FAM53B: variants seen among roughly 807,000 people sequenced by gnomAD.
FAM53B encodes protein FAM53B.
FAM53B carries 12 observed loss-of-function variants against 32.7 expected under a neutral mutation model. The ratio of observed to expected loss-of-function variants is 0.37; its 90% CI spans 0.24 to 0.59. FAM53B has a LOEUF of 0.59. FAM53B is among the 20% of genes least tolerant of loss of function. The probability of loss-of-function intolerance (pLI) is 0.72; values close to 1 mark genes in which losing one functional copy is unlikely to be tolerated. For missense variants in FAM53B, 477 were observed against 577.7 expected, an observed-to-expected ratio of 0.83 and a Z score of 1.79; for synonymous variants, 234 against 228.7, an observed-to-expected ratio of 1.02 and a Z score of -0.21.
chr10:124,706,395 T>C (rs1413711032), intron 2 of FAM53B, among the ~76,000 whole-genome samples: 3 of 152,160 alleles, frequency 2.0e-5, no homozygotes, highest in Non-Finnish European at 4.4e-5. Context: ...TACCAGGGGA[T>C]GGCCTCCCCT....
At chr10:124,703,203 C>T (rs903225218) in intron 2 of FAM53B, among the ~76,000 whole-genome samples, 2 of 152,174 alleles carry the variant, frequency 1.3e-5, no homozygotes, top group African/African-American at 2.4e-5. Flanking sequence ...CGCCTGCCAC[C>T]ACACTCAGCT....
intron 4 of FAM53B, among the ~76,000 whole-genome samples, chr10:124,652,768 C>A (rs530772774): frequency 6.6e-6 from 1 of 152,266 alleles, no homozygotes; most frequent in South Asian, 2.1e-4. Flanking sequence ...CCACTTCCTT[C>A]AATATGGAAG....
chr10:124,670,474 G>A (rs1260044774), intron 4 of FAM53B, among the ~76,000 whole-genome samples: 2 of 152,068 alleles, frequency 1.3e-5, no homozygotes, highest in Non-Finnish European at 1.5e-5. Flanking sequence ...AAGGCCAACC[G>A]TGATGGCCCT....
At chr10:124,685,099 C>G (rs1173007578) in intron 3 of FAM53B, among the ~76,000 whole-genome samples, 1 of 152,174 alleles carries the variant, frequency 6.6e-6, no homozygotes, top group Non-Finnish European at 1.5e-5. Flanking sequence ...CAATATAAAG[C>G]TGAGCATGAA....
chr10:124,728,356 G>C (rs1950120932), intron 1 of FAM53B, among the ~76,000 whole-genome samples: 1 of 152,202 alleles, frequency 6.6e-6, no homozygotes, highest in South Asian at 2.1e-4. Flanking sequence ...CCCATTCTAT[G>C]GAGGAAACCG....
intron 4 of FAM53B, among the ~76,000 whole-genome samples, chr10:124,672,953 A>G (rs1949715718): frequency 6.6e-6 from 1 of 152,248 alleles, no homozygotes. Flanking sequence ...TGCAGGTTAA[A>G]TAACAAGAGG....
intron 4 of FAM53B, among the ~76,000 whole-genome samples, chr10:124,638,263 G>T (rs572146569): frequency 3.3e-5 from 5 of 152,086 alleles, no homozygotes. Flanking sequence ...CCAGCTACTC[G>T]GGAGGCTGAG....
chr10:124,675,786 G>T (rs1043873959), intron 4 of FAM53B, among the ~76,000 whole-genome samples: 4 of 152,266 alleles, frequency 2.6e-5, no homozygotes, highest in African/African-American at 9.6e-5. Flanking sequence ...CTGGGGTCAA[G>T]AGGTCAGGGT....
intron 1 of FAM53B, among the ~76,000 whole-genome samples, chr10:124,730,248 A>G (rs1950132598): frequency 1.3e-5 from 2 of 152,246 alleles, no homozygotes; most frequent in Admixed American, 1.3e-4. Context: ...CAGAACAGGT[A>G]TGAATACATA....
Position 124,741,959 on chromosome 10 carries a change from T to C in FAM53B, c.-175+2054A>G, listed in dbSNP as rs1950203002. ...ACTTCTGCAGCAGTGAGGTTGCTAG[T>C]TTCTATTTAAAAACTTGTCTTTGAT... On this transcript the variant is annotated intron_variant, in intron 1 of 4. Coordinates refer to ENST00000337318, the MANE Select transcript of FAM53B (RefSeq NM_014661.4). Among the ~76,000 whole-genome samples, 3 of 152,256 alleles carry C rather than the reference T, an allele frequency of 2.0e-5. No individual in the cohort carries two copies. The South Asian group carries it at 6.2e-4, about 31-fold the overall frequency.
At chr10:124,633,972 G>T (rs754282345) in intron 4 of FAM53B, among the ~76,000 whole-genome samples, 20 of 152,240 alleles carry the variant, frequency 1.3e-4, no homozygotes, top group Non-Finnish European at 2.6e-4. Flanking sequence ...TGGTAGGAAT[G>T]TAAGATGGTA....
At chr10:124,623,730 T>G in intron 4 of FAM53B, 126 bp from the exon 5 acceptor site, 1 of 1,136,256 alleles carries the variant, frequency 8.8e-7, no homozygotes, top group Non-Finnish European at 1.2e-6. Flanking sequence ...GGGTTCCTCC[T>G]ATCCAGGCAA....
intron 1 of FAM53B, among the ~76,000 whole-genome samples, chr10:124,710,724 C>T (rs1163459084): frequency 6.6e-6 from 1 of 152,216 alleles, no homozygotes; most frequent in African/African-American, 2.4e-5. Flanking sequence ...TCAAGAATCA[C>T]TTCTATCTAC....
chr10:124,716,185 TG>T (rs1232753602), intron 1 of FAM53B, among the ~76,000 whole-genome samples: 1 of 152,166 alleles, frequency 6.6e-6, no homozygotes, highest in Non-Finnish European at 1.5e-5. Context: ...CTTCAGTAAC[TG>T]GGGCTAAAAC....
Position 124,623,575 on chromosome 10 carries a change from G to C in FAM53B, c.936C>G (p.Cys312Trp). 1.2e-6 allele frequency: 2 copies of C among 1,608,738 alleles called. No individual in the cohort carries two copies. The stretch of plus-strand genomic sequence containing the variant: ...CGCAGTCCTCTGTCCCTGCGCTCAG[G>C]CAGCTGAGGCTGCTGAAGGTCTGAC... ...QNCQTFSSLS[C>W]LSAGTEDCGP... Residue 312 changes from cysteine to tryptophan, a missense_variant, in exon 5 of 5, where the codon TGC becomes TGG. Cys to Trp is a radical substitution (Grantham distance 215, BLOSUM62 -2). Coordinates refer to ENST00000337318, the MANE Select transcript of FAM53B (RefSeq NM_014661.4).
Position 124,621,686 on chromosome 10 carries a change from T to C in FAM53B, c.*1556A>G, listed in dbSNP as rs1036732237. The C allele has an allele frequency of 2.0e-5, 3 of 152,226 alleles. No homozygotes were observed. Among genetic ancestry groups the C allele is most frequent in the African/African-American group, 7.2e-5 (3 of 41,452 alleles). 9.4% of individuals were successfully genotyped at this position (152,226 alleles called of 1,614,324 possible). ...AACAACGTTTCCCAAAAAGCATCTT[T>C]CTTGAGGAGAAAGAAGGTGAGAAGC... is the stretch of plus-strand genomic sequence containing the variant. On this transcript the variant is annotated 3_prime_UTR_variant, in exon 5 of 5. Transcript: ENST00000337318.
chr10:124,636,007 G>T (rs1949428673), intron 4 of FAM53B, among the ~76,000 whole-genome samples: 1 of 152,210 alleles, frequency 6.6e-6, no homozygotes, highest in Non-Finnish European at 1.5e-5. Flanking sequence ...CATGGGAGAT[G>T]GGAGAGATGG....
chr10:124,724,145 A>C lies in FAM53B; in HGVS notation c.-174-17258T>G, dbSNP rs182343138. On this transcript the variant is annotated intron_variant, in intron 1 of 4. Coordinates refer to ENST00000337318, the MANE Select transcript of FAM53B (RefSeq NM_014661.4). ...GCAGAGAAGTGAGCCTGGAATTCCAAGTAGGGAGGTAAAGATCTGGGGAGA... is the reference window on the plus strand; with the variant it reads ...GCAGAGAAGTGAGCCTGGAATTCCACGTAGGGAGGTAAAGATCTGGGGAGA... 2.4e-4 allele frequency among the ~76,000 whole-genome samples: 37 copies of C among 152,350 alleles called. No individual in the cohort carries two copies. The East Asian group carries it at 3.9e-3, about 16-fold the overall frequency.
intron 4 of FAM53B, among the ~76,000 whole-genome samples, chr10:124,678,851 C>T (rs1266929867): frequency 6.6e-6 from 1 of 152,180 alleles, no homozygotes; most frequent in African/African-American, 2.4e-5. Flanking sequence ...TCTGGCCACA[C>T]CGAATGATGG....
Sources: gnomAD v4.1 joint callset for allele counts (sites outside exome capture counted in the v4.1 genomes callset) on GRCh38, gnomAD v4.1.1 for gene constraint, MANE v1.5 for transcripts, NCBI Gene and HGNC (gene_info 2026-07-23, HGNC 2026-07-21) for gene names.